The following HS3ST4 variants were observed in gnomAD, a reference collection of about 807,000 sequenced individuals.
The protein encoded by HS3ST4 is heparan sulfate-glucosamine 3-sulfotransferase 4.
Under a neutral mutation model 29.2 loss-of-function variants are expected in HS3ST4, and 17 were observed. That is an observed-to-expected ratio of 0.58 (90% CI 0.40 to 0.87). HS3ST4 has a LOEUF of 0.87. HS3ST4 is among the 40% of genes least tolerant of loss of function. The pLI is 0.00. For missense variants in HS3ST4, 627 were observed against 634.5 expected, an observed-to-expected ratio of 0.99 and a Z score of 0.13; for synonymous variants, 314 against 285.7, an observed-to-expected ratio of 1.10 and a Z score of -1.00.
At chr16:25,921,759 C>CT (rs71385586) in intron 1 of HS3ST4, among the ~76,000 whole-genome samples, 4,548 of 141,554 alleles carry the variant, frequency 0.032, 204 homozygotes, top group African/African-American at 0.099. Context: ...TTTTTTTTTT[C>CT]TTTTTTTTTT....
At chr16:25,971,268 G>T (rs907325465) in intron 1 of HS3ST4, among the ~76,000 whole-genome samples, 2 of 152,290 alleles carry the variant, frequency 1.3e-5, no homozygotes, top group African/African-American at 4.8e-5. Context: ...AAAGAAAACA[G>T]TCACCTGCAA....
Position 25,692,616 on chromosome 16 carries a change from G to C in HS3ST4, c.199G>C (p.Glu67Gln), listed in dbSNP as rs1596545204. 16 of 1,378,744 alleles carry C rather than the reference G, an allele frequency of 1.2e-5. No homozygotes were observed. The highest frequency in any genetic ancestry group is 6.0e-5 in the African/African-American group (4 of 66,348). The allele number at this position is 1,378,744 out of a possible 1,614,324, so 85.4% of individuals were successfully genotyped here. ...CCTGCAATTCCCTCTGGCGCTGCAG[G>C]AGTCGCCGGGCGCCGCCGCCGAGCC... ...GSLQFPLALQESPGAAAEPPP... is the reference protein window; with the variant it reads ...GSLQFPLALQQSPGAAAEPPP... Residue 67 changes from glutamate to glutamine, a missense_variant, in exon 1 of 2, where the codon GAG becomes CAG. This residue lies in a region of HS3ST4 where 402 missense variants were observed against 340.8 expected (regional missense o/e 1.18). Transcript: ENST00000331351.
intron 1 of HS3ST4, among the ~76,000 whole-genome samples, chr16:26,053,139 A>G (rs1368038630): frequency 1.3e-5 from 2 of 152,172 alleles, no homozygotes; most frequent in African/African-American, 4.8e-5. Context: ...TTCTCCCGAG[A>G]TGCTTTCAGC....
intron 1 of HS3ST4, among the ~76,000 whole-genome samples, chr16:26,004,580 A>G (rs1165482336): frequency 6.6e-6 from 1 of 152,234 alleles, no homozygotes. Context: ...AGACAGCTAG[A>G]GGCCAATGTC....
At chr16:25,857,921 T>TTTCTTTCTTTCTTTCTTTCA (rs1386439859) in intron 1 of HS3ST4, among the ~76,000 whole-genome samples, 22 of 40,504 alleles carry the variant, frequency 5.4e-4, no homozygotes, top group Middle Eastern at 7.8e-3. Flanking sequence ...CCTTCCTTCC[T>TTTCTTTCTTTCTTTCTTTCA]TTCTTTCTTT....
chr16:26,135,706 A>C lies in HS3ST4; in HGVS notation c.829A>C (p.Met277Leu). ...TNEAPKRIHS[M>L]AKDIKLIVVV... ...TGAGGCTCCCAAGCGCATTCACTCC[A>C]TGGCCAAGGACATCAAACTGATTGT... The change falls in exon 2 of 2, where the codon ATG becomes CTG. Residue 277 changes from methionine (M) to leucine (L), a missense_variant. Physicochemically the swap from Met to Leu is conservative, Grantham distance 15. Around this residue, in one of 2 missense-constraint regions of HS3ST4, gnomAD observed 225 missense variants for 293.7 expected, o/e 0.77. Transcript: ENST00000331351. 1 of 1,614,076 alleles carries C rather than the reference A, an allele frequency of 6.2e-7. No homozygotes were observed. The highest frequency in any genetic ancestry group is 8.5e-7 in the Non-Finnish European group (1 of 1,179,964).
At chr16:25,902,953 G>T (rs1968133668) in intron 1 of HS3ST4, among the ~76,000 whole-genome samples, 1 of 151,338 alleles carries the variant, frequency 6.6e-6, no homozygotes, top group East Asian at 1.9e-4. Flanking sequence ...ACAAAAATTG[G>T]CTGGGCATGG....
intron 1 of HS3ST4, among the ~76,000 whole-genome samples, chr16:25,791,404 G>A (rs1019505325): frequency 4.6e-5 from 7 of 151,838 alleles, no homozygotes; most frequent in African/African-American, 9.7e-5. Context: ...TTTTAGAATC[G>A]TCTTGTTAAT....
chr16:25,726,212 G>A (rs540492848), intron 1 of HS3ST4, among the ~76,000 whole-genome samples: 1 of 152,264 alleles, frequency 6.6e-6, no homozygotes, highest in East Asian at 1.9e-4. Context: ...GTATTATAAT[G>A]TATTTACCTG....
chr16:25,879,344 A>G (rs1253542497), intron 1 of HS3ST4, among the ~76,000 whole-genome samples: 1 of 152,158 alleles, frequency 6.6e-6, no homozygotes, highest in Non-Finnish European at 1.5e-5. Context: ...TGTTGGTGAT[A>G]CAGACGTACT....
rs868653315 is a variant in HS3ST4 at position 25,860,132 on chromosome 16, G to A, written c.734+166981G>A. Among the ~76,000 whole-genome samples, 17 of 152,156 alleles carry A rather than the reference G, an allele frequency of 1.1e-4. No individual in the cohort carries two copies. The Middle Eastern group carries it at 0.02, about 183-fold the overall frequency. ...CATTCCTGGAAAAATTGTCTTTCACGAAACCAATCCCTGGTGCCAAAAAGG... is the reference window on the plus strand; with the variant it reads ...CATTCCTGGAAAAATTGTCTTTCACAAAACCAATCCCTGGTGCCAAAAAGG... On this transcript the variant is annotated intron_variant, in intron 1 of 1. Coordinates refer to ENST00000331351, the MANE Select transcript of HS3ST4 (RefSeq NM_006040.3).
At chr16:25,784,220 A>T (rs1966855241) in intron 1 of HS3ST4, among the ~76,000 whole-genome samples, 1 of 152,090 alleles carries the variant, frequency 6.6e-6, no homozygotes, top group Non-Finnish European at 1.5e-5. Context: ...CTCTCCCTCT[A>T]CTTGGGACTT....
intron 1 of HS3ST4, among the ~76,000 whole-genome samples, chr16:26,089,229 C>T (rs1331388220): frequency 1.3e-5 from 2 of 152,140 alleles, no homozygotes; most frequent in East Asian, 1.9e-4. Context: ...AATCTAGGAC[C>T]CCTAGAAGGC....
intron 1 of HS3ST4, among the ~76,000 whole-genome samples, chr16:25,769,858 G>A (rs781512463): frequency 3.3e-5 from 5 of 152,106 alleles, no homozygotes; most frequent in African/African-American, 4.8e-5. Flanking sequence ...CCAACACAGG[G>A]GCAATGGGGA....
chr16:26,057,699 G>A (rs891312326), intron 1 of HS3ST4, among the ~76,000 whole-genome samples: 1 of 152,192 alleles, frequency 6.6e-6, no homozygotes, highest in African/African-American at 2.4e-5. Context: ...AGCCAAGATC[G>A]CTCCACTGCA....
intron 1 of HS3ST4, among the ~76,000 whole-genome samples, chr16:25,716,883 A>C (rs563247303): frequency 6.6e-6 from 1 of 152,136 alleles, no homozygotes; most frequent in Non-Finnish European, 1.5e-5. Flanking sequence ...GTGAAACCCC[A>C]TCTCTGCTAA....
intron 1 of HS3ST4, among the ~76,000 whole-genome samples, chr16:26,098,734 A>T (rs773830067): frequency 4.9e-5 from 7 of 143,694 alleles, no homozygotes; most frequent in South Asian, 2.2e-4. Context: ...AAAGTATAAT[A>T]AAAAAAAAAG....
chr16:25,708,507 T>C (rs1029694240), intron 1 of HS3ST4, among the ~76,000 whole-genome samples: 27 of 152,220 alleles, frequency 1.8e-4, no homozygotes, highest in Admixed American at 1.0e-3. Flanking sequence ...AGCATTCTTA[T>C]GACTATCTAA....
intron 1 of HS3ST4, among the ~76,000 whole-genome samples, chr16:26,088,911 A>G (rs1019367121): frequency 1.3e-5 from 2 of 152,238 alleles, no homozygotes; most frequent in Non-Finnish European, 2.9e-5. Flanking sequence ...CATGTAGACT[A>G]TATTTTAAGT....
Sources: gnomAD v4.1 joint callset for allele counts (sites outside exome capture counted in the v4.1 genomes callset) on GRCh38, gnomAD v4.1.1 for gene constraint, gnomAD v4.1.1 regional missense constraint, MANE v1.5 for transcripts, NCBI Gene and HGNC (gene_info 2026-07-23, HGNC 2026-07-21) for gene names.